The following MYL4 variants were observed in gnomAD, a reference collection of about 807,000 sequenced individuals.
MYL4 encodes atrial myosin light chain 1.
A neutral mutation model predicts 21.6 loss-of-function variants in MYL4; 16 were observed. The observed-to-expected ratio is 0.74, with a 90% CI of 0.50 to 1.12. MYL4 has a LOEUF of 1.12. Ranked by LOEUF, MYL4 falls within the 50% of genes most tolerant of loss-of-function variation. The probability of loss-of-function intolerance (pLI) is 0.00; values close to 1 mark genes in which losing one functional copy is unlikely to be tolerated. For missense variants in MYL4, 249 were observed against 252.9 expected (o/e 0.98, Z 0.11); for synonymous variants, 82 against 95.7 (o/e 0.86, Z 0.83).
upstream of MYL4, among the ~76,000 whole-genome samples, chr17:47,197,239 T>C (rs1405498907): frequency 2.0e-5 from 3 of 151,702 alleles, no homozygotes; most frequent in East Asian, 5.8e-4. Flanking sequence ...GCTGGGACTA[T>C]AGGCGCCCGC....
intron 3 of MYL4, among the ~76,000 whole-genome samples, chr17:47,220,449 C>T (rs112750037): frequency 0.023 from 3,545 of 152,276 alleles, 147 homozygotes; most frequent in African/African-American, 0.081. Flanking sequence ...GTGGCCATCG[C>T]GAGCTGTATT....
At chr17:47,206,213 G>A (rs778714631), upstream of MYL4, among the ~76,000 whole-genome samples, 14 of 152,096 alleles carry the variant, frequency 9.2e-5, no homozygotes, top group Admixed American at 3.3e-4. Context: ...CAGTATTTGC[G>A]TGATTTTGGA....
intron 1 of MYL4, among the ~76,000 whole-genome samples, chr17:47,201,875 G>A (rs2064710917): frequency 6.6e-6 from 1 of 152,074 alleles, no homozygotes; most frequent in African/African-American, 2.4e-5. Context: ...CTTGGATAAT[G>A]GGTAATGCTT....
chr17:47,204,731 G>GAAAAAAAAAA (rs11307481), upstream of MYL4, among the ~76,000 whole-genome samples: 1 of 141,396 alleles, frequency 7.1e-6, no homozygotes, highest in Non-Finnish European at 1.5e-5. Context: ...ACCCTGTCTC[G>GAAAAAAAAAA]AAAAAAAAAA....
chr17:47,199,917 T>C (rs2064703764), upstream of MYL4, among the ~76,000 whole-genome samples: 1 of 151,316 alleles, frequency 6.6e-6, no homozygotes, highest in Non-Finnish European at 1.5e-5. Flanking sequence ...TGTGGGTTTT[T>C]TTTTGTAGAG....
At chr17:47,217,901 C>T (rs185646323) in intron 2 of MYL4, among the ~76,000 whole-genome samples, 3 of 151,892 alleles carry the variant, frequency 2.0e-5, no homozygotes, top group Non-Finnish European at 2.9e-5. Context: ...GGCGTGGTGG[C>T]GCATGCCTGT....
chr17:47,190,357 C>G, the MYL4 span, among the ~76,000 whole-genome samples: 1 of 152,130 alleles, frequency 6.6e-6, no homozygotes, highest in African/African-American at 2.4e-5. Flanking sequence ...AATGTAGACT[C>G]TCTCATATTT....
chr17:47,192,129 C>T, the MYL4 span, among the ~76,000 whole-genome samples: 10 of 152,204 alleles, frequency 6.6e-5, no homozygotes, highest in African/African-American at 1.9e-4. Flanking sequence ...CCAATGCAGA[C>T]GGATCACCTG....
At chr17:47,189,483 T>G in the MYL4 span, 1 of 461,666 alleles carries the variant, frequency 2.2e-6, no homozygotes, top group Non-Finnish European at 4.0e-6. Flanking sequence ...TAGGTTTCTC[T>G]TCTCAGCCAC....
Position 47,209,364 on chromosome 17 carries a change from G to T in MYL4, c.-59G>T. 1 of 1,611,438 alleles carries T rather than the reference G, an allele frequency of 6.2e-7. No homozygotes were observed. The highest frequency in any genetic ancestry group is 8.5e-7 in the Non-Finnish European group (1 of 1,178,478). ...CAGGCTCCTATCTCATCTCCCAGAC[G>T]CCACGTCTCTCGGTTTCTTCTTAGA... On this transcript the variant is annotated 5_prime_UTR_variant, in exon 1 of 7. Transcript: ENST00000393450.
At chr17:47,190,966 T>C in the MYL4 span, among the ~76,000 whole-genome samples, 1 of 152,208 alleles carries the variant, frequency 6.6e-6, no homozygotes, top group South Asian at 2.1e-4. Flanking sequence ...GTCTAGGGTG[T>C]CAGTGGTAGC....
At chr17:47,211,385 CAAAT>C (rs1413181350) in intron 1 of MYL4, among the ~76,000 whole-genome samples, 1 of 151,862 alleles carries the variant, frequency 6.6e-6, no homozygotes, top group African/African-American at 2.4e-5. Flanking sequence ...CTTGTCTCTA[CAAAT>C]AAATAAATAA....
chr17:47,206,170 T>G (rs1014714733), upstream of MYL4, among the ~76,000 whole-genome samples: 2 of 152,190 alleles, frequency 1.3e-5, no homozygotes, highest in Non-Finnish European at 2.9e-5. Context: ...AAAACCAGGC[T>G]TCAGACCCAT....
upstream of MYL4, among the ~76,000 whole-genome samples, chr17:47,199,839 G>A (rs1424608835): frequency 4.9e-5 from 7 of 143,716 alleles, no homozygotes; most frequent in African/African-American, 5.2e-5. Flanking sequence ...GGGTTCAACC[G>A]ATCCTCCCAC....
chr17:47,226,846 T>C (rs139784692), downstream of MYL4, among the ~76,000 whole-genome samples: 54 of 152,238 alleles, frequency 3.5e-4, no homozygotes, highest in African/African-American at 1.3e-3. Flanking sequence ...AGGAAGCATT[T>C]TATTTTCTTT....
chr17:47,215,197 CA>C (rs1336074616), intron 2 of MYL4, among the ~76,000 whole-genome samples: 3 of 152,190 alleles, frequency 2.0e-5, no homozygotes, highest in African/African-American at 2.4e-5. Flanking sequence ...TACTCACTTG[CA>C]GCATTAATTT....
intron 2 of MYL4, among the ~76,000 whole-genome samples, chr17:47,219,692 T>C (rs1016398821): frequency 6.6e-6 from 1 of 152,136 alleles, no homozygotes; most frequent in African/African-American, 2.4e-5. Context: ...AGCCCTGGAA[T>C]GGGTCGTGGA....
In MYL4 at chr17:47,221,725, C is replaced by T; in HGVS notation, c.357C>T (p.Ile119=). Residue 119 remains isoleucine, a synonymous_variant, in exon 4 of 7, where the codon ATC becomes ATT. Coordinates refer to ENST00000393450, the MANE Select transcript of MYL4 (RefSeq NM_002476.2). ...TGGACTTTGAGACGTTCTTGCCCAT[C>T]CTGCAGCACATTTCCCGCAACAAGG... The part of the protein sequence containing the change: ...KMLDFETFLP[I]LQHISRNKEQ... 6.2e-7 allele frequency: 1 copy of T among 1,614,060 alleles called. No individual in the cohort carries two copies. The highest frequency in any genetic ancestry group is 2.2e-5 in the East Asian group (1 of 44,878).
At chr17:47,213,745 CTTT>C (rs2064792899) in intron 1 of MYL4, 51 bp from the exon 2 acceptor site, 7 of 1,596,134 alleles carry the variant, frequency 4.4e-6, no homozygotes, top group African/African-American at 4.0e-5. Flanking sequence ...TTTGGGGGGC[CTTT>C]ACAACTGCTT....
Sources: gnomAD v4.1 joint callset for allele counts (sites outside exome capture counted in the v4.1 genomes callset) on GRCh38, gnomAD v4.1.1 for gene constraint, MANE v1.5 for transcripts, NCBI Gene and HGNC (gene_info 2026-07-23, HGNC 2026-07-21) for gene names.